Variants in CALN1 observed in about 807,000 individuals in gnomAD.
The protein encoded by CALN1 is calneuron 1, also known as calcium-binding protein 8.
A neutral mutation model predicts 30.6 loss-of-function variants in CALN1; 17 were observed. The observed-to-expected ratio is 0.56, with a 90% confidence interval of 0.38 to 0.83. The LOEUF is 0.83. Among genes scored for constraint, CALN1 ranks in the 40% least tolerant of loss-of-function variants. The pLI, the probability that CALN1 is intolerant of heterozygous loss-of-function variation, is 0.00. For missense variants in CALN1, 291 were observed against 354.9 expected (o/e 0.82, Z 1.45); for synonymous variants, 156 against 131.4 (o/e 1.19, Z -1.28).
chr7:72,384,334 C>T (rs1256177305), intron 2 of CALN1, among the ~76,000 whole-genome samples: 1 of 152,104 alleles, frequency 6.6e-6, no homozygotes, highest in Non-Finnish European at 1.5e-5. Context: ...GAATAAAAAA[C>T]GTATGTTGAT....
At chr7:72,332,396 T>C (rs1416806446) in intron 2 of CALN1, among the ~76,000 whole-genome samples, 1 of 151,928 alleles carries the variant, frequency 6.6e-6, no homozygotes, top group Non-Finnish European at 1.5e-5. Context: ...GGTGTTGCCA[T>C]GGCAACAGTA....
At chr7:71,819,828 T>C (rs1252953377) in intron 5 of CALN1, among the ~76,000 whole-genome samples, 1 of 152,186 alleles carries the variant, frequency 6.6e-6, no homozygotes, top group Admixed American at 6.5e-5. Context: ...TGTGTCAGAA[T>C]TCCCTTCCTT....
chr7:72,430,860 A>C (rs1041104818), intron 1 of CALN1, among the ~76,000 whole-genome samples: 8 of 152,282 alleles, frequency 5.3e-5, no homozygotes, highest in Middle Eastern at 3.4e-3. Context: ...CAGCAGCCCA[A>C]GGCAACTGCC....
chr7:72,367,155 A>C (rs1378124241), intron 2 of CALN1, among the ~76,000 whole-genome samples: 2 of 152,116 alleles, frequency 1.3e-5, no homozygotes, highest in Non-Finnish European at 2.9e-5. Flanking sequence ...AAGTCAGAAT[A>C]CTAGTTAACT....
chr7:72,066,978 G>A (rs1350742062), intron 4 of CALN1, among the ~76,000 whole-genome samples: 4 of 150,740 alleles, frequency 2.7e-5, no homozygotes, highest in Non-Finnish European at 4.4e-5. Context: ...TAGTAGAGAT[G>A]GGGTTTTACC....
chr7:72,358,742 A>G (rs1180186139), intron 2 of CALN1, among the ~76,000 whole-genome samples: 1 of 152,066 alleles, frequency 6.6e-6, no homozygotes, highest in Non-Finnish European at 1.5e-5. Flanking sequence ...CGAGGTTAGG[A>G]GTTCGAGACA....
intron 1 of CALN1, among the ~76,000 whole-genome samples, chr7:72,418,203 T>G (rs1490191796): frequency 6.6e-6 from 1 of 151,940 alleles, no homozygotes; most frequent in Non-Finnish European, 1.5e-5. Context: ...CACTTACAAG[T>G]GAGAACATGC....
intron 3 of CALN1, among the ~76,000 whole-genome samples, chr7:72,154,618 G>A (rs1378732781): frequency 6.6e-6 from 1 of 152,082 alleles, no homozygotes; most frequent in Non-Finnish European, 1.5e-5. Context: ...ACCACAGAGG[G>A]CCTCTGTGTC....
intron 2 of CALN1, among the ~76,000 whole-genome samples, chr7:72,382,171 G>A (rs973825537): frequency 6.6e-6 from 1 of 152,208 alleles, no homozygotes. Flanking sequence ...TTCAGCTGAT[G>A]GGAGCACTGT....
chr7:72,404,976 A>C (rs780352899), intron 1 of CALN1, among the ~76,000 whole-genome samples: 6 of 152,138 alleles, frequency 3.9e-5, no homozygotes, highest in Non-Finnish European at 5.9e-5. Context: ...GATGCTTTGT[A>C]ATTTCCATCT....
In CALN1 at chr7:72,031,986, G is replaced by A. The variant is rs529598424; in HGVS notation, c.389-8217C>T. Among the ~76,000 whole-genome samples the A allele has an allele frequency of 2.7e-5, 4 of 149,126 alleles. No homozygotes were observed. In the East Asian group the frequency reaches 5.9e-4, roughly 22 times the overall value. ...TCAAACTCCTGACTTCAGGTGATCC[G>A]TCCGCCCTCCTCCACCTCCCAAAGT... On this transcript the variant is annotated intron_variant, in intron 4 of 6. Transcript: ENST00000395275.
intron 3 of CALN1, among the ~76,000 whole-genome samples, chr7:72,191,590 G>C: frequency 6.7e-6 from 1 of 150,064 alleles, no homozygotes; most frequent in East Asian, 2.0e-4. Flanking sequence ...AATGGCAGAG[G>C]AAGAAAGGAG....
chr7:71,970,468 C>CAATGAA lies in CALN1; in HGVS notation c.501+53183_501+53188dup, dbSNP rs982484458. ...AATCCCAGCATATTTGACCAAGTAG[C>CAATGAA]AATGAAAAGGCTATACCAAGAAGAC... On this transcript the variant is annotated intron_variant, in intron 5 of 6. Transcript: ENST00000395275. 2.7e-4 allele frequency among the ~76,000 whole-genome samples: 41 copies of CAATGAA among 152,064 alleles called. 1 individual carries two copies. Among genetic ancestry groups the CAATGAA allele is most frequent in the Non-Finnish European group, 2.9e-4 (20 of 68,018 alleles).
intron 5 of CALN1, among the ~76,000 whole-genome samples, chr7:71,832,292 G>A (rs1223015914): frequency 3.3e-5 from 5 of 152,112 alleles, no homozygotes; most frequent in Admixed American, 1.3e-4. Flanking sequence ...AATGACCCTA[G>A]GCAAGTAATT....
At chr7:72,382,091 A>C (rs1585623461) in intron 2 of CALN1, among the ~76,000 whole-genome samples, 1 of 152,224 alleles carries the variant, frequency 6.6e-6, no homozygotes, top group East Asian at 1.9e-4. Context: ...ATGTACAAAC[A>C]AAACAAAAAT....
chr7:72,370,116 T>C (rs1320119042), intron 2 of CALN1, among the ~76,000 whole-genome samples: 1 of 152,208 alleles, frequency 6.6e-6, no homozygotes, highest in Admixed American at 6.5e-5. Flanking sequence ...TGACTCTACA[T>C]TGTCACCAGA....
chr7:71,899,395 G>T (rs1186722091), intron 5 of CALN1, among the ~76,000 whole-genome samples: 1 of 152,004 alleles, frequency 6.6e-6, no homozygotes, highest in African/African-American at 2.4e-5. Context: ...TGCCCACCTT[G>T]GCCTCCCAAA....
rs142433339 is a variant in CALN1 at position 72,364,254 on chromosome 7, C to T, written c.119+38997G>A. Among the ~76,000 whole-genome samples, 1,049 of 151,890 alleles carry T rather than the reference C, an allele frequency of 6.9e-3. 14 individuals carry two copies. The highest frequency in any genetic ancestry group is 0.024 in the African/African-American group (1,006 of 41,414). ...ATTCTAGGCAATCACAACAGAAATC[C>T]CAGTGAGATTTAGATTAGAATTTGA... On this transcript the variant is annotated intron_variant, in intron 2 of 6. Coordinates refer to ENST00000395275, the MANE Select transcript of CALN1 (RefSeq NM_031468.4).
chr7:72,039,325 G>C (rs767976120), intron 4 of CALN1, among the ~76,000 whole-genome samples: 2 of 152,148 alleles, frequency 1.3e-5, no homozygotes, highest in Non-Finnish European at 2.9e-5. Context: ...GGATGAGCTA[G>C]ACTCCACAGG....
Sources: gnomAD v4.1 joint callset for allele counts (sites outside exome capture counted in the v4.1 genomes callset) on GRCh38, gnomAD v4.1.1 for gene constraint, MANE v1.5 for transcripts, NCBI Gene and HGNC (gene_info 2026-07-23, HGNC 2026-07-21) for gene names.